The following ATF7 variants were observed in gnomAD, a reference collection of about 807,000 sequenced individuals.
ATF7 encodes cyclic AMP-dependent transcription factor ATF-7.
In ATF7, 10 loss-of-function variants were observed where a neutral mutation model predicts 50.4. The observed-to-expected ratio is 0.20, with a 90% CI of 0.12 to 0.34. The LOEUF is 0.34. ATF7 is among the 10% of genes least tolerant of loss of function. The pLI is 1.00. For missense variants in ATF7, 465 were observed against 613.9 expected, an observed-to-expected ratio of 0.76 and a Z score of 2.56; for synonymous variants, 201 against 226.4, an observed-to-expected ratio of 0.89 and a Z score of 1.01.
At chr12:53,609,893 T>A (rs565102135) in intron 1 of ATF7, among the ~76,000 whole-genome samples, 26 of 149,622 alleles carry the variant, frequency 1.7e-4, no homozygotes, top group African/African-American at 6.2e-4. Context: ...CTTGGCTTAC[T>A]GCAACCTTTG....
chr12:53,600,731 C>G (rs1482012079), intron 2 of ATF7: 1 of 466,148 alleles, frequency 2.1e-6, no homozygotes. Context: ...TGGTGGGAAA[C>G]AAACACCAGT....
At chr12:53,534,920 T>C (rs143689389) in intron 5 of ATF7, among the ~76,000 whole-genome samples, 59 of 152,224 alleles carry the variant, frequency 3.9e-4, no homozygotes, top group African/African-American at 1.4e-3. Flanking sequence ...TCACTTGAAA[T>C]CTCTGAAGCA....
chr12:53,550,326 A>AT (rs1940260021), intron 3 of ATF7, among the ~76,000 whole-genome samples: 9 of 97,628 alleles, frequency 9.2e-5, no homozygotes, highest in Non-Finnish European at 1.4e-4. Flanking sequence ...CCTGTCTCAA[A>AT]AAAAAAAATA....
intron 1 of ATF7, among the ~76,000 whole-genome samples, chr12:53,601,510 T>C (rs1943402784): frequency 1.3e-5 from 2 of 152,248 alleles, no homozygotes; most frequent in Admixed American, 1.3e-4. Context: ...CAAGGGCTGT[T>C]TATCCCATAT....
intron 2 of ATF7, among the ~76,000 whole-genome samples, chr12:53,594,372 AG>A (rs1156252331): frequency 6.6e-6 from 1 of 152,250 alleles, no homozygotes; most frequent in African/African-American, 2.4e-5. Flanking sequence ...TCCTGCGTGT[AG>A]TACCAATTAG....
intron 2 of ATF7, among the ~76,000 whole-genome samples, chr12:53,582,199 C>A (rs113378119): frequency 6.6e-6 from 1 of 151,328 alleles, no homozygotes; most frequent in Admixed American, 6.6e-5. Context: ...CATGGTGGCG[C>A]GCGCCTGTAA....
chr12:53,554,586 G>A (rs2137519506), intron 2 of ATF7, among the ~76,000 whole-genome samples: 1 of 152,056 alleles, frequency 6.6e-6, no homozygotes, highest in East Asian at 1.9e-4. Context: ...AAAAGGGCCA[G>A]GTGCGGTGGC....
intron 2 of ATF7, among the ~76,000 whole-genome samples, chr12:53,567,063 A>G (rs1941484434): frequency 6.6e-6 from 1 of 152,216 alleles, no homozygotes; most frequent in South Asian, 2.1e-4. Context: ...GTGTTCACAC[A>G]GTTTTAAGCT....
chr12:53,574,965 AAAAT>A, intron 2 of ATF7: 2 of 225,896 alleles, frequency 8.9e-6, no homozygotes, highest in South Asian at 5.8e-5. Context: ...AAAAAAAAAA[AAAAT>A]TAAAGAAAAG....
intron 2 of ATF7, among the ~76,000 whole-genome samples, chr12:53,556,205 G>A (rs1940743250): frequency 6.6e-6 from 1 of 152,228 alleles, no homozygotes; most frequent in South Asian, 2.1e-4. Flanking sequence ...GGCCAGTGCA[G>A]TGGCCCGGCC....
At chr12:53,579,792 A>G (rs541498688) in intron 2 of ATF7, among the ~76,000 whole-genome samples, 2 of 152,158 alleles carry the variant, frequency 1.3e-5, no homozygotes, top group East Asian at 3.9e-4. Context: ...GCCTGCCAGC[A>G]TGTATGTTTT....
chr12:53,517,037 T>A lies in ATF7; in HGVS notation c.*100A>T, dbSNP rs562551383. The A allele has an allele frequency of 5.0e-5, 64 of 1,290,436 alleles. No individual in the cohort carries two copies. The highest frequency in any genetic ancestry group is 6.3e-5 in the South Asian group (5 of 79,562). 79.9% of individuals were successfully genotyped at this position (1,290,436 alleles called of 1,614,324 possible). On this transcript the variant is annotated 3_prime_UTR_variant, in exon 12 of 12. Transcript: ENST00000420353. The stretch of plus-strand genomic sequence containing the variant: ...CACAACACACAATTCCCCCCACCCA[T>A]ATTGCCATGTCCAAGGCAGATGGGA...
At chr12:53,577,929 G>C (rs188858481) in intron 2 of ATF7, among the ~76,000 whole-genome samples, 147 of 152,038 alleles carry the variant, frequency 9.7e-4, no homozygotes, top group African/African-American at 3.3e-3. Context: ...GAAAATCAAA[G>C]AGAAAGAGAA....
chr12:53,561,839 T>G (rs1168857442), intron 2 of ATF7, among the ~76,000 whole-genome samples: 2 of 152,140 alleles, frequency 1.3e-5, no homozygotes, highest in Admixed American at 6.6e-5. Context: ...ACAAATAAAA[T>G]ACAACCACAG....
At chr12:53,598,262 T>TA (rs1943248040) in intron 2 of ATF7, among the ~76,000 whole-genome samples, 1 of 152,178 alleles carries the variant, frequency 6.6e-6, no homozygotes, top group African/African-American at 2.4e-5. Flanking sequence ...TAAATATAAC[T>TA]AAAGAACTAT....
intron 2 of ATF7, among the ~76,000 whole-genome samples, chr12:53,594,652 C>A (rs1943078657): frequency 2.6e-5 from 4 of 152,286 alleles, no homozygotes; most frequent in Non-Finnish European, 5.9e-5. Flanking sequence ...CTTTGGGAGG[C>A]TGAGGCAGGC....
chr12:53,574,005 G>A (rs1312541338), intron 2 of ATF7, among the ~76,000 whole-genome samples: 4 of 152,260 alleles, frequency 2.6e-5, no homozygotes, highest in East Asian at 1.9e-4. Flanking sequence ...TACTAGGGAC[G>A]TATTTACCAA....
At position 53,520,966 on chromosome 12, in the gene ATF7, T is replaced by TGAGGA. The variant is rs541667240; in HGVS notation, c.1234+2309_1234+2310insTCCTC. On this transcript the variant is annotated intron_variant, in intron 11 of 11. Coordinates refer to ENST00000420353, the MANE Select transcript of ATF7 (RefSeq NM_006856.3). ...CCTGCTTCTGCCCTTGTACCCCTGA[T>TGAGGA]GTCCTGTTCAAATGTAAGTCAGATC... 6.4e-4 allele frequency among the ~76,000 whole-genome samples: 98 copies of TGAGGA among 152,116 alleles called. 2 individuals are homozygous for TGAGGA. The highest frequency in any genetic ancestry group is 2.3e-3 in the African/African-American group (95 of 41,492).
At chr12:53,568,455 A>G (rs1941573711) in intron 2 of ATF7, among the ~76,000 whole-genome samples, 1 of 152,158 alleles carries the variant, frequency 6.6e-6, no homozygotes, top group Non-Finnish European at 1.5e-5. Context: ...TAATACCAAA[A>G]TACAGTATTA....
Sources: allele counts gnomAD v4.1 joint callset (sites outside exome capture counted in the v4.1 genomes callset), GRCh38; gene constraint gnomAD v4.1.1; transcripts MANE v1.5; gene names NCBI Gene and HGNC (gene_info 2026-07-23, HGNC 2026-07-21).